LRP1B: variants seen among roughly 807,000 people sequenced by gnomAD.
The protein encoded by LRP1B is LDL receptor related protein 1B.
A neutral mutation model predicts 556.6 loss-of-function variants in LRP1B; 217 were observed. That is an observed-to-expected ratio of 0.39 (90% CI 0.35 to 0.44). LRP1B has a LOEUF of 0.44. LRP1B is among the 20% of genes least tolerant of loss of function. The pLI, the probability that LRP1B is intolerant of heterozygous loss-of-function variation, is 1.00. For missense variants in LRP1B, 5,053 were observed against 5,620.8 expected, an observed-to-expected ratio of 0.90 and a Z score of 3.23; for synonymous variants, 2,047 against 1,865.8, an observed-to-expected ratio of 1.10 and a Z score of -2.50.
intron 2 of LRP1B, among the ~76,000 whole-genome samples, chr2:141,585,200 C>A (rs1442605111): frequency 3.3e-5 from 5 of 152,226 alleles, no homozygotes; most frequent in Admixed American, 2.6e-4. Flanking sequence ...GAGTACAATT[C>A]TCTTGTAAAC....
At chr2:141,724,765 T>G (rs1692967072) in intron 2 of LRP1B, among the ~76,000 whole-genome samples, 1 of 152,020 alleles carries the variant, frequency 6.6e-6, no homozygotes, top group South Asian at 2.1e-4. Context: ...ATTCCAGTTA[T>G]TCTACATTGA....
chr2:142,015,933 A>C (rs897016934), intron 1 of LRP1B, among the ~76,000 whole-genome samples: 1 of 137,572 alleles, frequency 7.3e-6, no homozygotes, highest in South Asian at 2.5e-4. Flanking sequence ...CGGAGCTTGC[A>C]GTGAGCCGAG....
At chr2:141,229,906 CTT>C (rs1683394141) in intron 5 of LRP1B, among the ~76,000 whole-genome samples, 1 of 152,162 alleles carries the variant, frequency 6.6e-6, no homozygotes, top group Non-Finnish European at 1.5e-5. Context: ...GCACCTGTGA[CTT>C]TGGCCTCACT....
At chr2:141,266,323 CAAAAAAAAAAAA>C (rs34877238) in intron 3 of LRP1B, among the ~76,000 whole-genome samples, 1 of 73,284 alleles carries the variant, frequency 1.4e-5, no homozygotes, top group African/African-American at 5.7e-5. Context: ...GACTCTGTTT[CAAAAAAAAAAAA>C]AAAAAAAAGA....
chr2:142,066,220 C>T (rs1705101921), intron 1 of LRP1B, among the ~76,000 whole-genome samples: 1 of 151,482 alleles, frequency 6.6e-6, no homozygotes. Context: ...TGAATCTCAA[C>T]TTTTGCATTA....
At chr2:140,437,980 T>G (rs1686259113) in intron 66 of LRP1B, among the ~76,000 whole-genome samples, 1 of 152,190 alleles carries the variant, frequency 6.6e-6, no homozygotes, top group African/African-American at 2.4e-5. Flanking sequence ...ACATGATACT[T>G]GTTATATAAC....
rs2104874024 is a variant in LRP1B, at chr2:140,234,727, TTTGA to T, written c.13659+55_13659+58del. The stretch of plus-strand genomic sequence containing the variant: ...AAGCCTCTAAGTCTAGTAATTAGTC[TTTGA>T]TTGTGAGGGTTCTGTGATGAAACGG... On this transcript the variant is annotated intron_variant, in intron 90 of 90. Coordinates refer to ENST00000389484, the MANE Select transcript of LRP1B (RefSeq NM_018557.3). The T allele has an allele frequency of 5.4e-6, 4 of 738,622 alleles. No individual in the cohort carries two copies. In the South Asian group the frequency reaches 5.9e-5, roughly 11 times the overall value. 45.8% of individuals were successfully genotyped at this position (738,622 alleles called of 1,614,324 possible).
chr2:142,033,221 A>AT (rs1369079523), intron 1 of LRP1B, among the ~76,000 whole-genome samples: 5 of 151,832 alleles, frequency 3.3e-5, no homozygotes, highest in African/African-American at 2.4e-5. Context: ...TATTAAGATA[A>AT]TTTTTTATTT....
In LRP1B at chr2:141,576,077, G is replaced by A. The variant is rs1163193463; in HGVS notation, c.206-95544C>T. Among the ~76,000 whole-genome samples, 4 of 152,312 alleles carry A rather than the reference G, an allele frequency of 2.6e-5. No individual in the cohort carries two copies. In the East Asian group the frequency reaches 7.7e-4, roughly 29 times the overall value. Reference sequence around the variant, plus strand: ...AGAACCAGAATTACCATTTGACCCAGCAACCCCATTACTGGGTGTATACCC... The same window carrying A: ...AGAACCAGAATTACCATTTGACCCAACAACCCCATTACTGGGTGTATACCC... On this transcript the variant is annotated intron_variant, in intron 2 of 90. Transcript: ENST00000389484.
chr2:141,697,367 A>G (rs978533280), intron 2 of LRP1B, among the ~76,000 whole-genome samples: 2 of 151,960 alleles, frequency 1.3e-5, no homozygotes. Context: ...CCCATCTCAT[A>G]GGTAGAGGGT....
At chr2:141,552,869 A>AACAC (rs1427020615) in intron 2 of LRP1B, among the ~76,000 whole-genome samples, 1 of 152,012 alleles carries the variant, frequency 6.6e-6, no homozygotes, top group Non-Finnish European at 1.5e-5. Context: ...CTCTTAAAAG[A>AACAC]ACACTGATAT....
At position 142,110,159 on chromosome 2, in the gene LRP1B, C is replaced by T. The variant is rs116480868; in HGVS notation, c.82+20489G>A. Among the ~76,000 whole-genome samples, 888 of 152,164 alleles carry T rather than the reference C, an allele frequency of 5.8e-3. 2 individuals carry two copies. The highest frequency in any genetic ancestry group is 0.02 in the African/African-American group (821 of 41,534). On this transcript the variant is annotated intron_variant, in intron 1 of 90. Transcript: ENST00000389484. ...TGTACTTGATGTTATACAAGCCCAT[C>T]ATTCTTCCTGGAATAAAAATTCCTC...
intron 3 of LRP1B, among the ~76,000 whole-genome samples, chr2:141,367,318 G>A (rs1208050335): frequency 2.6e-5 from 4 of 151,744 alleles, no homozygotes; most frequent in Admixed American, 6.6e-5. Flanking sequence ...CCTATAATTT[G>A]TATATGCATT....
intron 6 of LRP1B, among the ~76,000 whole-genome samples, chr2:141,192,018 A>C (rs988370022): frequency 2.0e-5 from 3 of 151,974 alleles, no homozygotes; most frequent in Admixed American, 6.6e-5. Context: ...CACTGAAACA[A>C]TAGATACTGT....
intron 2 of LRP1B, among the ~76,000 whole-genome samples, chr2:141,536,948 C>G (rs1685088302): frequency 6.6e-6 from 1 of 151,820 alleles, no homozygotes; most frequent in Admixed American, 6.6e-5. Flanking sequence ...ACCAATTCTC[C>G]CCATACCTAT....
At chr2:140,703,374 A>G (rs1031884440) in intron 37 of LRP1B, among the ~76,000 whole-genome samples, 8 of 152,200 alleles carry the variant, frequency 5.3e-5, no homozygotes, top group African/African-American at 1.9e-4. Flanking sequence ...CAGAATGTAC[A>G]TAATCCATGT....
intron 3 of LRP1B, among the ~76,000 whole-genome samples, chr2:141,340,179 T>G (rs1521112): frequency 0.59 from 89,884 of 152,088 alleles, 27,466 homozygotes; most frequent in African/African-American, 0.68. Context: ...CCCTTCAACT[T>G]TTGAATAGTT....
chr2:142,024,214 T>C (rs1324408954), intron 1 of LRP1B, among the ~76,000 whole-genome samples: 1 of 152,222 alleles, frequency 6.6e-6, no homozygotes, highest in Non-Finnish European at 1.5e-5. Flanking sequence ...TTATCATTTG[T>C]TATAACCATT....
At chr2:141,945,833 A>G (rs1460588743) in intron 1 of LRP1B, among the ~76,000 whole-genome samples, 1 of 152,194 alleles carries the variant, frequency 6.6e-6, no homozygotes, top group East Asian at 1.9e-4. Context: ...TTTTAGAAGT[A>G]AATACATTCC....
Sources: gnomAD v4.1 joint callset for allele counts (sites outside exome capture counted in the v4.1 genomes callset) on GRCh38, gnomAD v4.1.1 for gene constraint, MANE v1.5 for transcripts, NCBI Gene and HGNC (gene_info 2026-07-23, HGNC 2026-07-21) for gene names.